The following NRDE2 variants were observed in gnomAD, a reference collection of about 807,000 sequenced individuals.
NRDE2 encodes nuclear exosome regulator NRDE2.
A neutral mutation model predicts 124.2 loss-of-function variants in NRDE2; 76 were observed. The observed-to-expected ratio is 0.61, with a 90% confidence interval of 0.51 to 0.74. The LOEUF (loss-of-function observed/expected upper bound fraction) is 0.74, where lower values mean the gene tolerates loss of function less well. Among genes scored for constraint, NRDE2 ranks in the 30% least tolerant of loss-of-function variants. NRDE2 has a pLI of 0.00. For missense variants in NRDE2, 1,314 were observed against 1,417.3 expected, an observed-to-expected ratio of 0.93 and a Z score of 1.17; for synonymous variants, 489 against 528.1, an observed-to-expected ratio of 0.93 and a Z score of 1.01.
At chr14:90,287,033 CAAAA>C (rs60863011) in intron 11 of NRDE2, among the ~76,000 whole-genome samples, 4 of 23,814 alleles carry the variant, frequency 1.7e-4, no homozygotes, top group African/African-American at 3.5e-4. Flanking sequence ...GACTCCGTCT[CAAAA>C]AAAAAAAAAA....
chr14:90,290,325 C>A lies in NRDE2; in HGVS notation c.2125G>T (p.Gly709Cys), dbSNP rs1334103183. 1 of 1,614,086 alleles carries A rather than the reference C, an allele frequency of 6.2e-7. No homozygotes were observed. Among genetic ancestry groups the A allele is most frequent in the African/African-American group, 1.3e-5 (1 of 75,028 alleles). ...AAGACATTGCGGATGAACTCCTCGC[C>A]CTCTCGGTTCTGACCCCTGGTCCAG... ...PRWTRGQNREGEEFIRNVFHL... is the reference protein window; with the variant it reads ...PRWTRGQNRECEEFIRNVFHL... The change falls in exon 10 of 14, where the codon GGC becomes TGC. Residue 709 changes from glycine to cysteine, a missense_variant. Transcript: ENST00000354366.
chr14:90,290,204 G>A lies in NRDE2; in HGVS notation c.2229+17C>T. On this transcript the variant is annotated intron_variant, in intron 10 of 13. Coordinates refer to ENST00000354366, the MANE Select transcript of NRDE2 (RefSeq NM_017970.4). ...AATGAAAAGTCCCCAAACATGGGAG[G>A]ACGAGTCTGGAATTACCTTTGCAAT... 1 of 1,605,814 alleles carries A rather than the reference G, an allele frequency of 6.2e-7. No homozygotes were observed.
chr14:90,314,783 T>C (rs1214705518), intron 3 of NRDE2, among the ~76,000 whole-genome samples: 1 of 152,146 alleles, frequency 6.6e-6, no homozygotes, highest in East Asian at 1.9e-4. Flanking sequence ...TGTGGGAATA[T>C]GGTGGTAAGC....
At position 90,272,640 on chromosome 14, in the gene NRDE2, AG is replaced by A; in HGVS notation, c.*5695del. 1 of 409,794 alleles carries A rather than the reference AG, an allele frequency of 2.4e-6. No homozygotes were observed. The allele number at this position is 409,794 out of a possible 1,614,324, so 25.4% of individuals were successfully genotyped here. ...TTTCACAAACACTTCCTGTTTCTGC[AG>A]TCTCCACACACACCTACCGCTCAAC... On this transcript the variant is annotated 3_prime_UTR_variant, in exon 14 of 14. Transcript: ENST00000354366. The surrounding 1 kb of genome is among the most constrained non-coding windows in gnomAD (Gnocchi z 4.5).
chr14:90,283,962 C>T (rs560131395), intron 12 of NRDE2, among the ~76,000 whole-genome samples: 2 of 152,244 alleles, frequency 1.3e-5, no homozygotes, highest in South Asian at 4.1e-4. Flanking sequence ...CCGCCCACCT[C>T]GGCCTCCCAA....
intron 1 of NRDE2, among the ~76,000 whole-genome samples, chr14:90,331,247 G>C (rs563035811): frequency 6.6e-6 from 1 of 152,272 alleles, no homozygotes; most frequent in Non-Finnish European, 1.5e-5. Flanking sequence ...GAACAATGCA[G>C]CTCTGCTGGA....
intron 1 of NRDE2, among the ~76,000 whole-genome samples, chr14:90,325,361 G>A (rs931470263): frequency 6.6e-6 from 1 of 151,816 alleles, no homozygotes; most frequent in African/African-American, 2.4e-5. Context: ...CAATCTGAGG[G>A]TAGGAAGAAA....
chr14:90,272,266 C>A lies in NRDE2; in HGVS notation c.*6070G>T. 1.9e-6 allele frequency: 3 copies of A among 1,602,016 alleles called. No individual in the cohort carries two copies. Among genetic ancestry groups the A allele is most frequent in the Non-Finnish European group, 2.5e-6 (3 of 1,177,680 alleles). On this transcript the variant is annotated 3_prime_UTR_variant, in exon 14 of 14. Coordinates refer to ENST00000354366, the MANE Select transcript of NRDE2 (RefSeq NM_017970.4). This position sits in a 1 kb window ranked among gnomAD's most constrained non-coding sequence, Gnocchi z 4.5. ...TCACTTTCTGAACACACTCTTCTTT[C>A]TTACAGGCAATCTGTACAGAAGCTG...
In NRDE2 at chr14:90,276,128, C is replaced by A. The variant is rs557477328; in HGVS notation, c.*2208G>T. The A allele has an allele frequency of 6.6e-6, 1 of 152,332 alleles. No individual in the cohort carries two copies. The highest frequency in any genetic ancestry group is 1.5e-5 in the Non-Finnish European group (1 of 68,080). The allele number at this position is 152,332 out of a possible 1,614,324, so 9.4% of individuals were successfully genotyped here. A position where few individuals can be genotyped will look rare whatever the true frequency, so the allele number is the denominator to read the frequency against. On this transcript the variant is annotated 3_prime_UTR_variant, in exon 14 of 14. Transcript: ENST00000354366. ...GCCACTGTTTGACTCCAGCTGGGAA[C>A]CCCCTTCTCAGCCCTCCAAGCTGAC... is the stretch of plus-strand genomic sequence containing the variant.
At chr14:90,321,031 T>C (rs1885220951) in intron 1 of NRDE2, among the ~76,000 whole-genome samples, 1 of 152,138 alleles carries the variant, frequency 6.6e-6, no homozygotes, top group Non-Finnish European at 1.5e-5. Context: ...TCAAAATTAT[T>C]TCCACAAAAA....
intron 1 of NRDE2, among the ~76,000 whole-genome samples, chr14:90,320,425 C>T (rs547888001): frequency 7.2e-5 from 11 of 152,288 alleles, no homozygotes; most frequent in East Asian, 1.9e-4. Context: ...CAGCATGGGG[C>T]GAACTGCCCC....
chr14:90,278,982 G>A, intron 13 of NRDE2, 80 bp downstream of exon 13: 3 of 1,003,088 alleles, frequency 3.0e-6, no homozygotes, highest in Non-Finnish European at 3.2e-6. Flanking sequence ...CCGCGGGGCA[G>A]GCCGGGAAGA....
chr14:90,280,378 G>A (rs994913283), intron 12 of NRDE2: 4 of 152,248 alleles, frequency 2.6e-5, no homozygotes, highest in African/African-American at 9.6e-5. Context: ...CCTCCCTGGT[G>A]GAAGCCTCCA....
Position 90,272,726 on chromosome 14 carries a change from T to G in NRDE2, c.*5610A>C, listed in dbSNP as rs1365670379. The G allele has an allele frequency of 4.5e-6, 1 of 220,388 alleles. No homozygotes were observed. Among genetic ancestry groups the G allele is most frequent in the Non-Finnish European group, 9.1e-6 (1 of 109,546 alleles). The allele number at this position is 220,388 out of a possible 1,614,324, so 13.7% of individuals were successfully genotyped here. A position where few individuals can be genotyped will look rare whatever the true frequency, so the allele number is the denominator to read the frequency against. On this transcript the variant is annotated 3_prime_UTR_variant, in exon 14 of 14. Coordinates refer to ENST00000354366, the MANE Select transcript of NRDE2 (RefSeq NM_017970.4). The surrounding 1 kb of genome is among the most constrained non-coding windows in gnomAD (Gnocchi z 4.5). ...CTTTGGACAGGAACTCAGGCTGCGG[T>G]CCCAAGGAGTGTGGACCTCACTATG...
intron 1 of NRDE2, among the ~76,000 whole-genome samples, 170 bp downstream of exon 1, chr14:90,331,671 G>A (rs931302685): frequency 6.6e-6 from 1 of 152,126 alleles, no homozygotes; most frequent in Non-Finnish European, 1.5e-5. Flanking sequence ...ACAGGCCTCT[G>A]GGCCCCAGAC....
At chr14:90,309,657 C>T (rs1165998394) in intron 4 of NRDE2, among the ~76,000 whole-genome samples, 1 of 152,104 alleles carries the variant, frequency 6.6e-6, no homozygotes, top group African/African-American at 2.4e-5. Flanking sequence ...AAAGCTGTTG[C>T]TTCTCTCAAA....
intron 12 of NRDE2, among the ~76,000 whole-genome samples, chr14:90,285,440 T>C (rs1892077938): frequency 6.6e-6 from 1 of 151,624 alleles, no homozygotes; most frequent in Non-Finnish European, 1.5e-5. Context: ...TGGCTGGGAT[T>C]ACAGGTGCAT....
At chr14:90,302,274 T>C (rs1312247013) in intron 6 of NRDE2, among the ~76,000 whole-genome samples, 3 of 152,216 alleles carry the variant, frequency 2.0e-5, no homozygotes, top group Admixed American at 6.5e-5. Flanking sequence ...TCAAAATTAA[T>C]GTTCCAGGTT....
rs989859380 is a variant in NRDE2, at chr14:90,268,146, G to A, written c.*10190C>T. 74 of 1,222,532 alleles carry A rather than the reference G, an allele frequency of 6.1e-5. No individual in the cohort carries two copies. The African/African-American group carries it at 1.1e-3, about 18-fold the overall frequency. The allele number at this position is 1,222,532 out of a possible 1,614,324, so 75.7% of individuals were successfully genotyped here. A position where few individuals can be genotyped will look rare whatever the true frequency, so the allele number is the denominator to read the frequency against. ...CGCCTGTTTTTGGTGTCCATTTAAG[G>A]TGGTAATGATACGAGTTTTTAAGTT... On this transcript the variant is annotated 3_prime_UTR_variant, in exon 14 of 14. Transcript: ENST00000354366.
Sources: allele counts gnomAD v4.1 joint callset (sites outside exome capture counted in the v4.1 genomes callset), GRCh38; gene constraint gnomAD v4.1.1; non-coding constraint Gnocchi (gnomAD v3.1); transcripts MANE v1.5; gene names NCBI Gene and HGNC (gene_info 2026-07-23, HGNC 2026-07-21).